The following ZNF347 variants were observed in gnomAD, a reference collection of about 807,000 sequenced individuals.
The protein encoded by ZNF347 is CTD-2620I22.7.
A neutral mutation model predicts 12.9 loss-of-function variants in ZNF347; 19 were observed. That is an observed-to-expected ratio of 1.47 (90% CI 1.03 to 2.16). ZNF347 has a LOEUF of 2.16. Ranked by LOEUF, ZNF347 falls within the 30% of genes most tolerant of loss-of-function variation. The probability of loss-of-function intolerance (pLI) is 0.00; values close to 1 mark genes in which losing one functional copy is unlikely to be tolerated. For missense variants in ZNF347, 1,005 were observed against 990.6 expected (o/e 1.01, Z -0.19); for synonymous variants, 328 against 340.6 (o/e 0.96, Z 0.41).
Position 53,141,154 on chromosome 19 carries a change from G to A in ZNF347, c.1674C>T (p.Thr558=), listed in dbSNP as rs1599851618. Residue 558 remains threonine (T), a synonymous_variant, in exon 5 of 5, where the codon ACC becomes ACT. Transcript: ENST00000334197. ...KAFSVYSSLT[T]HQVIHTGEKP... is the part of the protein sequence containing the mutation. Reference sequence around the variant, plus strand: ...TTTCTCCAGTATGGATGACCTGATGGGTAGTTAGGCTTGAATACACACTGA... The same window carrying A: ...TTTCTCCAGTATGGATGACCTGATGAGTAGTTAGGCTTGAATACACACTGA... 6.2e-7 allele frequency: 1 copy of A among 1,608,546 alleles called. No individual in the cohort carries two copies. Among genetic ancestry groups the A allele is most frequent in the Non-Finnish European group, 8.5e-7 (1 of 1,175,832 alleles).
intron 4 of ZNF347, among the ~76,000 whole-genome samples, chr19:53,145,832 A>G (rs1275270647): frequency 3.3e-5 from 5 of 152,188 alleles, no homozygotes; most frequent in Admixed American, 3.3e-4. Flanking sequence ...ACCTAATGAT[A>G]CAACTCAAGG....
rs769600620 is a variant in ZNF347 at position 53,140,688 on chromosome 19, ACT to A, written c.2138_2139del (p.Gln713LeufsTer6). On this transcript the variant is annotated frameshift_variant, in exon 5 of 5. Coordinates refer to ENST00000334197, the MANE Select transcript of ZNF347 (RefSeq NM_032584.3). LOFTEE classifies it low-confidence loss of function (END_TRUNC). ...GAACGGACACTAAAGGCTTTCCCAC[ACT>A]GATTACACTCATATGGTTTCTCTCC... ...HTGEKPYECN[Q>X]CGKAFSVRSS... The A allele has an allele frequency of 6.2e-7, 1 of 1,612,778 alleles. No individual in the cohort carries two copies. Among genetic ancestry groups the A allele is most frequent in the Admixed American group, 1.7e-5 (1 of 59,858 alleles).
At chr19:53,151,740 G>A (rs1013993982) in intron 2 of ZNF347, among the ~76,000 whole-genome samples, 4 of 151,948 alleles carry the variant, frequency 2.6e-5, no homozygotes, top group Admixed American at 6.6e-5. Flanking sequence ...ACAAATTTAA[G>A]GACACAGAAA....
intron 2 of ZNF347, among the ~76,000 whole-genome samples, chr19:53,150,140 T>C (rs1490434300): frequency 1.3e-5 from 2 of 152,134 alleles, no homozygotes; most frequent in Admixed American, 1.3e-4. Flanking sequence ...CAACTGGCAT[T>C]GAAGTGGGCA....
rs1255697871 is a variant in ZNF347, at chr19:53,135,313, TATATATATATATATATATATATATATAG to T, written c.*4967_*4994del. Reference sequence around the variant, plus strand: ...CCCATTTTCTAAATATATATATATATATATATATATATATATATATATATATAGAGAGAGAGAGAGAGAGAGAGAGAGA... The same window carrying T: ...CCCATTTTCTAAATATATATATATATAGAGAGAGAGAGAGAGAGAGAGAGA... On this transcript the variant is annotated 3_prime_UTR_variant, in exon 5 of 5. Coordinates refer to ENST00000334197, the MANE Select transcript of ZNF347 (RefSeq NM_032584.3). The T allele has an allele frequency of 4.4e-4, 2 of 4,534 alleles. No homozygotes were observed. Among genetic ancestry groups the T allele is most frequent in the East Asian group, 8.2e-3 (1 of 122 alleles). 0.3% of individuals were successfully genotyped at this position (4,534 alleles called of 1,614,324 possible). A position where few individuals can be genotyped will look rare whatever the true frequency, so the allele number is the denominator to read the frequency against.
intron 4 of ZNF347, among the ~76,000 whole-genome samples, chr19:53,148,312 C>T (rs2090475662): frequency 6.6e-6 from 1 of 152,182 alleles, no homozygotes; most frequent in Non-Finnish European, 1.5e-5. Context: ...GAATTTGGAT[C>T]TGTAAGACTG....
chr19:53,148,836 T>C (rs762179257), intron 3 of ZNF347, 27 bp from the exon 4 acceptor site: 3 of 1,609,960 alleles, frequency 1.9e-6, no homozygotes, highest in Admixed American at 1.7e-5. Context: ...AGGAAAACAA[T>C]GGGCTGTAGA....
At chr19:53,152,657 G>A (rs969674834) in intron 2 of ZNF347, among the ~76,000 whole-genome samples, 1 of 150,596 alleles carries the variant, frequency 6.6e-6, no homozygotes, top group East Asian at 2.0e-4. Flanking sequence ...CAGGCCGGGC[G>A]CAGTGGCTCA....
In ZNF347 at chr19:53,141,975, T is replaced by C. The variant is rs868175529; in HGVS notation, c.853A>G (p.Lys285Glu). 1.2e-6 allele frequency: 2 copies of C among 1,614,060 alleles called. No individual in the cohort carries two copies. The highest frequency in any genetic ancestry group is 1.7e-6 in the Non-Finnish European group (2 of 1,179,992). The change falls in exon 5 of 5, where the codon AAA (lysine) becomes GAA (glutamate). Residue 285 changes from lysine (K) to glutamate (E), a missense_variant. Coordinates refer to ENST00000334197, the MANE Select transcript of ZNF347 (RefSeq NM_032584.3). ...TCATAACATTTGTAAGGTTTCTCTT[T>C]AGTATGACTTCTCTGATGACTTGCA... ...HLASHQRSHT[K>E]EKPYKCYECG...
chr19:53,158,512 G>A (rs1032966200), intron 1 of ZNF347, among the ~76,000 whole-genome samples: 2 of 151,436 alleles, frequency 1.3e-5, no homozygotes, highest in African/African-American at 4.8e-5. Flanking sequence ...CGGGGACAGG[G>A]AGAAGCCTCA....
intron 3 of ZNF347, 87 bp downstream of exon 3, chr19:53,149,154 C>G: frequency 6.3e-7 from 1 of 1,575,630 alleles, no homozygotes; most frequent in African/African-American, 1.4e-5. Context: ...CTCAGCCAAG[C>G]AATGCATGAG....
At chr19:53,156,360 G>A (rs12978781) in intron 1 of ZNF347, among the ~76,000 whole-genome samples, 25,295 of 151,384 alleles carry the variant, frequency 0.17, 2,367 homozygotes, top group Middle Eastern at 0.26. Flanking sequence ...CCAAGATTGC[G>A]CCACTGCACT....
chr19:53,150,639 T>C (rs1263797643), intron 2 of ZNF347, among the ~76,000 whole-genome samples: 2 of 152,194 alleles, frequency 1.3e-5, no homozygotes, highest in African/African-American at 4.8e-5. Context: ...ACAGTGACTT[T>C]AAAGAAAGGT....
intron 1 of ZNF347, among the ~76,000 whole-genome samples, chr19:53,155,653 G>A (rs2090528753): frequency 6.6e-6 from 1 of 150,970 alleles, no homozygotes; most frequent in Non-Finnish European, 1.5e-5. Flanking sequence ...GTGTCTTAAT[G>A]GAGAACACCA....
In ZNF347 at chr19:53,136,253, T is replaced by C. The variant is rs1715892235; in HGVS notation, c.*4055A>G. Reference sequence around the variant, plus strand: ...TCCATTTTCCTATTTACAGAGAACCTAGTCTGTACCTGCCATTGTTTTACA... The same window carrying C: ...TCCATTTTCCTATTTACAGAGAACCCAGTCTGTACCTGCCATTGTTTTACA... On this transcript the variant is annotated 3_prime_UTR_variant, in exon 5 of 5. Transcript: ENST00000334197. 6.6e-6 allele frequency: 1 copy of C among 151,350 alleles called. No homozygotes were observed. Among genetic ancestry groups the C allele is most frequent in the African/African-American group, 2.4e-5 (1 of 41,112 alleles). The allele number at this position is 151,350 out of a possible 1,614,324, so 9.4% of individuals were successfully genotyped here.
intron 1 of ZNF347, among the ~76,000 whole-genome samples, chr19:53,158,302 G>T (rs2090548744): frequency 6.6e-6 from 1 of 152,144 alleles, no homozygotes; most frequent in African/African-American, 2.4e-5. Flanking sequence ...AGAGGGGTGG[G>T]GTCTGCAGGA....
intron 4 of ZNF347, among the ~76,000 whole-genome samples, chr19:53,147,596 G>T (rs1055971466): frequency 1.3e-5 from 2 of 151,432 alleles, no homozygotes; most frequent in African/African-American, 4.9e-5. Context: ...AGAAAGAAAA[G>T]AAAAAATAAA....
At position 53,135,157 on chromosome 19, in the gene ZNF347, T is replaced by A. The variant is rs2090377911; in HGVS notation, c.*5151A>T. On this transcript the variant is annotated 3_prime_UTR_variant, in exon 5 of 5. Transcript: ENST00000334197. Reference sequence around the variant, plus strand: ...CTCGATTCTGCCTCTTACTGAAATGTGACAAGATGAGTCTTTTAAAGCAGA... The same window carrying A: ...CTCGATTCTGCCTCTTACTGAAATGAGACAAGATGAGTCTTTTAAAGCAGA... The A allele has an allele frequency of 6.6e-6, 1 of 152,062 alleles. No individual in the cohort carries two copies. The highest frequency in any genetic ancestry group is 1.5e-5 in the Non-Finnish European group (1 of 68,006). 9.4% of individuals were successfully genotyped at this position (152,062 alleles called of 1,614,324 possible). A position where few individuals can be genotyped will look rare whatever the true frequency, so the allele number is the denominator to read the frequency against.
In ZNF347 at chr19:53,136,480, C is replaced by T. The variant is rs2090388435; in HGVS notation, c.*3828G>A. On this transcript the variant is annotated 3_prime_UTR_variant, in exon 5 of 5. Transcript: ENST00000334197. Reference sequence around the variant, plus strand: ...ACTACTATTGGCTCATGGCTGTAATCCTAGCACTTTGGGAAGCTGAGGCAG... The same window carrying T: ...ACTACTATTGGCTCATGGCTGTAATTCTAGCACTTTGGGAAGCTGAGGCAG... 1 of 151,800 alleles carries T rather than the reference C, an allele frequency of 6.6e-6. No individual in the cohort carries two copies. Among genetic ancestry groups the T allele is most frequent in the African/African-American group, 2.4e-5 (1 of 41,302 alleles). The allele number at this position is 151,800 out of a possible 1,614,324, so 9.4% of individuals were successfully genotyped here.
Sources: allele counts gnomAD v4.1 joint callset (sites outside exome capture counted in the v4.1 genomes callset), GRCh38; gene constraint gnomAD v4.1.1; transcripts MANE v1.5; gene names NCBI Gene and HGNC (gene_info 2026-07-23, HGNC 2026-07-21).